OSBP2: variants seen among roughly 807,000 people sequenced by gnomAD.
OSBP2 encodes the protein oxysterol-binding protein 2.
OSBP2 carries 66 observed loss-of-function variants against 96.0 expected under a neutral mutation model. The observed-to-expected ratio is 0.69, with a 90% CI of 0.56 to 0.84. The LOEUF is 0.84. Ranked by LOEUF, OSBP2 falls within the 40% of genes least tolerant of loss-of-function variation. The probability of loss-of-function intolerance (pLI) is 0.00; values close to 1 mark genes in which losing one functional copy is unlikely to be tolerated. For missense variants in OSBP2, 1,038 were observed against 1,222.7 expected, an observed-to-expected ratio of 0.85 and a Z score of 2.25; for synonymous variants, 525 against 520.9, an observed-to-expected ratio of 1.01 and a Z score of -0.11.
intron 3 of OSBP2, among the ~76,000 whole-genome samples, chr22:30,880,013 C>G (rs893149086): frequency 1.3e-5 from 2 of 151,826 alleles, no homozygotes; most frequent in African/African-American, 4.8e-5. Context: ...GATGGCACCA[C>G]TGCACTCCAG....
intron 2 of OSBP2, among the ~76,000 whole-genome samples, chr22:30,793,738 T>TA (rs774706435): frequency 5.3e-5 from 8 of 152,174 alleles, no homozygotes; most frequent in Non-Finnish European, 8.8e-5. Context: ...TGCACACCTA[T>TA]AGTCCTAGTC....
At chr22:30,781,317 C>T (rs1369101221) in intron 2 of OSBP2, among the ~76,000 whole-genome samples, 1 of 151,978 alleles carries the variant, frequency 6.6e-6, no homozygotes, top group East Asian at 1.9e-4. Flanking sequence ...CATACACATA[C>T]AAGGGAGTAT....
intron 2 of OSBP2, among the ~76,000 whole-genome samples, chr22:30,748,121 C>G (rs989663895): frequency 6.6e-6 from 1 of 151,940 alleles, no homozygotes; most frequent in Non-Finnish European, 1.5e-5. Flanking sequence ...AAATGATCCA[C>G]CCACCCCTGC....
At chr22:30,897,274 T>G (rs997016006) in intron 12 of OSBP2, among the ~76,000 whole-genome samples, 4 of 152,298 alleles carry the variant, frequency 2.6e-5, no homozygotes, top group South Asian at 2.1e-4. Flanking sequence ...AGTGGGAAAT[T>G]AGGAAGTTTC....
At chr22:30,773,864 G>T (rs1168473196) in intron 2 of OSBP2, among the ~76,000 whole-genome samples, 1 of 152,160 alleles carries the variant, frequency 6.6e-6, no homozygotes, top group Admixed American at 6.5e-5. Context: ...AAGCTAGAGA[G>T]GCACTCCAGC....
intron 1 of OSBP2, among the ~76,000 whole-genome samples, chr22:30,724,101 T>A (rs2089601955): frequency 6.6e-6 from 1 of 152,238 alleles, no homozygotes; most frequent in East Asian, 1.9e-4. Context: ...CCATTAGTTT[T>A]GCCTTTTCCA....
At chr22:30,898,998 T>G (rs1245467662) in intron 12 of OSBP2, among the ~76,000 whole-genome samples, 1 of 151,752 alleles carries the variant, frequency 6.6e-6, no homozygotes, top group Non-Finnish European at 1.5e-5. Flanking sequence ...GAAATAAATA[T>G]TAATGAAAAA....
intron 3 of OSBP2, among the ~76,000 whole-genome samples, chr22:30,885,569 G>C (rs1395984311): frequency 3.3e-5 from 5 of 152,238 alleles, no homozygotes; most frequent in Non-Finnish European, 7.3e-5. Flanking sequence ...TAGCTTGGTA[G>C]AAAGTGCCAG....
chr22:30,756,369 C>T (rs1361689141), intron 2 of OSBP2, among the ~76,000 whole-genome samples: 1 of 152,150 alleles, frequency 6.6e-6, no homozygotes, highest in African/African-American at 2.4e-5. Context: ...TCTGTCTCTT[C>T]ACCCACAAAG....
At position 30,804,354 on chromosome 22, in the gene OSBP2, G is replaced by A. The variant is rs576763253; in HGVS notation, c.853+62985G>A. Among the ~76,000 whole-genome samples, 21 of 152,312 alleles carry A rather than the reference G, an allele frequency of 1.4e-4. No homozygotes were observed. The South Asian group carries it at 4.1e-3, about 30-fold the overall frequency. ...AATCTCGACAGGTTCATTGCTGGAG[G>A]ACTGAGATCTGTGTTTTGTTCCGTC... On this transcript the variant is annotated intron_variant, in intron 2 of 13. Coordinates refer to ENST00000332585, the MANE Select transcript of OSBP2 (RefSeq NM_030758.4).
chr22:30,706,210 G>A (rs1316516831), intron 1 of OSBP2, among the ~76,000 whole-genome samples: 1 of 152,172 alleles, frequency 6.6e-6, no homozygotes, highest in African/African-American at 2.4e-5. Flanking sequence ...GTCACCACAC[G>A]GAGATGTGGC....
intron 2 of OSBP2, among the ~76,000 whole-genome samples, chr22:30,858,546 C>G (rs1235210065): frequency 1.3e-5 from 2 of 151,942 alleles, no homozygotes; most frequent in African/African-American, 4.8e-5. Context: ...CCCTAATCCT[C>G]TTCATGGCAA....
At chr22:30,825,257 G>A (rs1237023937) in intron 2 of OSBP2, among the ~76,000 whole-genome samples, 1 of 152,190 alleles carries the variant, frequency 6.6e-6, no homozygotes, top group South Asian at 2.1e-4. Context: ...GGAAGCTGAG[G>A]TGGGAAGATC....
At chr22:30,803,014 C>G (rs890093989) in intron 2 of OSBP2, 2 of 162,292 alleles carry the variant, frequency 1.2e-5, no homozygotes, top group African/African-American at 4.8e-5. Flanking sequence ...CGGGACCGCC[C>G]TCCTCCCAGG....
chr22:30,741,401 A>T (rs1479443126), intron 2 of OSBP2, 32 bp downstream of exon 2: 3 of 1,545,432 alleles, frequency 1.9e-6, no homozygotes, highest in Non-Finnish European at 2.6e-6. Flanking sequence ...GGGTGTGTAT[A>T]TGGTGGTGTC....
intron 12 of OSBP2, among the ~76,000 whole-genome samples, chr22:30,896,647 ATT>A (rs60421891): frequency 5.6e-5 from 8 of 143,948 alleles, no homozygotes; most frequent in South Asian, 4.4e-4. Flanking sequence ...GGCAAACTGG[ATT>A]TTTTTTTTTT....
intron 2 of OSBP2, among the ~76,000 whole-genome samples, chr22:30,782,338 T>A (rs2090529122): frequency 6.6e-6 from 1 of 152,196 alleles, no homozygotes; most frequent in Non-Finnish European, 1.5e-5. Context: ...ACCACTAATC[T>A]ACTTTCTTGT....
intron 1 of OSBP2, 64 bp downstream of exon 1, chr22:30,695,617 G>A: frequency 6.5e-7 from 1 of 1,546,164 alleles, no homozygotes; most frequent in East Asian, 2.3e-5. Context: ...GATGGTGATG[G>A]AGGGCCTCCA....
At chr22:30,823,108 C>T (rs547913227) in intron 2 of OSBP2, among the ~76,000 whole-genome samples, 3 of 152,310 alleles carry the variant, frequency 2.0e-5, no homozygotes, top group Admixed American at 2.0e-4. Context: ...CGCTGATTTG[C>T]CCACAAGGGC....
Sources: allele counts gnomAD v4.1 joint callset (sites outside exome capture counted in the v4.1 genomes callset), GRCh38; gene constraint gnomAD v4.1.1; transcripts MANE v1.5; gene names NCBI Gene and HGNC (gene_info 2026-07-23, HGNC 2026-07-21).